SH3GL3: variants seen among roughly 807,000 people sequenced by gnomAD.
SH3GL3 encodes the protein endophilin-A3.
In SH3GL3, 33 loss-of-function variants were observed where a neutral mutation model predicts 47.7. That is an observed-to-expected ratio of 0.69 (90% CI 0.52 to 0.92). The LOEUF is 0.92. Among genes scored for constraint, SH3GL3 ranks in the 40% least tolerant of loss-of-function variants. SH3GL3 has a pLI of 0.00. For missense variants in SH3GL3, 363 were observed against 417.8 expected (o/e 0.87, Z 1.14); for synonymous variants, 155 against 148.8 (o/e 1.04, Z -0.30).
At chr15:83,572,450 A>C in intron 4 of SH3GL3, 115 bp from the exon 5 acceptor site, 1 of 818,646 alleles carries the variant, frequency 1.2e-6, no homozygotes, top group East Asian at 2.6e-5. Context: ...GTCCCGGAGC[A>C]AGGACCTTGC....
At chr15:83,582,987 T>C (rs1326388542) in intron 6 of SH3GL3, among the ~76,000 whole-genome samples, 1 of 152,190 alleles carries the variant, frequency 6.6e-6, no homozygotes, top group Non-Finnish European at 1.5e-5. Context: ...GCAAAATACA[T>C]GAGAAATTTT....
At chr15:83,514,493 C>T (rs530989950) in intron 1 of SH3GL3, among the ~76,000 whole-genome samples, 119 of 152,152 alleles carry the variant, frequency 7.8e-4, no homozygotes, top group African/African-American at 2.6e-3. Context: ...GGGAATCTGG[C>T]GAAGTCTATT....
chr15:83,549,244 C>T (rs1354048566), intron 1 of SH3GL3, among the ~76,000 whole-genome samples: 2 of 152,132 alleles, frequency 1.3e-5, no homozygotes. Flanking sequence ...TCATCTAATT[C>T]TTTTCTTAGT....
intron 8 of SH3GL3, among the ~76,000 whole-genome samples, chr15:83,603,189 G>C (rs188343340): frequency 6.6e-6 from 1 of 151,984 alleles, no homozygotes; most frequent in African/African-American, 2.4e-5. Context: ...TAGTAGAGAT[G>C]GGGCTTCACC....
intron 8 of SH3GL3, among the ~76,000 whole-genome samples, chr15:83,589,253 C>T (rs1273744218): frequency 1.3e-5 from 2 of 152,252 alleles, no homozygotes; most frequent in Admixed American, 6.5e-5. Context: ...CTTGTGATCA[C>T]CTACACCATC....
chr15:83,495,748 A>C (rs114183880), intron 1 of SH3GL3, among the ~76,000 whole-genome samples: 4,902 of 152,162 alleles, frequency 0.032, 230 homozygotes, highest in African/African-American at 0.1. Context: ...AAAGAAAAAA[A>C]AATGTTGCAC....
intron 8 of SH3GL3, among the ~76,000 whole-genome samples, chr15:83,614,934 A>G (rs1446314468): frequency 1.3e-5 from 2 of 152,216 alleles, no homozygotes; most frequent in Non-Finnish European, 2.9e-5. Flanking sequence ...GAAATACCCC[A>G]ACGTACCTAT....
intron 1 of SH3GL3, among the ~76,000 whole-genome samples, chr15:83,493,441 A>G (rs2041956659): frequency 6.6e-6 from 1 of 152,178 alleles, no homozygotes; most frequent in Non-Finnish European, 1.5e-5. Flanking sequence ...GGCAAAATTA[A>G]ATGATCCTCT....
At chr15:83,493,444 G>T (rs2041957026) in intron 1 of SH3GL3, among the ~76,000 whole-genome samples, 1 of 152,164 alleles carries the variant, frequency 6.6e-6, no homozygotes, top group African/African-American at 2.4e-5. Flanking sequence ...AAAATTAAAT[G>T]ATCCTCTTCC....
chr15:83,517,160 A>G (rs983951518), intron 1 of SH3GL3, among the ~76,000 whole-genome samples: 6 of 150,296 alleles, frequency 4.0e-5, no homozygotes, highest in Admixed American at 3.3e-4. Flanking sequence ...ATGATGACAC[A>G]TTGTTTTCCA....
rs2045663670 is a variant in SH3GL3, at chr15:83,568,548, A to T, written c.207A>T (p.Gly69=). 2 of 1,613,292 alleles carry T rather than the reference A, an allele frequency of 1.2e-6. No individual in the cohort carries two copies. The highest frequency in any genetic ancestry group is 3.3e-5 in the Admixed American group (2 of 59,992). The change falls in exon 4 of 9, where the codon GGA becomes GGT. Residue 69 remains glycine, a synonymous_variant. Coordinates refer to ENST00000427482, the MANE Select transcript of SH3GL3 (RefSeq NM_003027.5). The part of the protein sequence containing the change: ...QPNPAYRAKL[G]MLNTVSKIRG... ...TTTAAGCATACAGAGCTAAGCTAGG[A>T]ATGCTGAACACTGTGTCGAAGATCC...
intron 8 of SH3GL3, among the ~76,000 whole-genome samples, chr15:83,613,632 TATCTA>T (rs1474119567): frequency 1.4e-5 from 2 of 139,056 alleles, no homozygotes; most frequent in Non-Finnish European, 3.2e-5. Flanking sequence ...TCTATCTATC[TATCTA>T]TCTATCTATC....
chr15:83,608,950 G>A (rs1364332317), intron 8 of SH3GL3, among the ~76,000 whole-genome samples: 1 of 152,068 alleles, frequency 6.6e-6, no homozygotes, highest in Non-Finnish European at 1.5e-5. Context: ...AAGTAATAAG[G>A]GAACATGTTT....
intron 7 of SH3GL3, among the ~76,000 whole-genome samples, chr15:83,587,647 A>C (rs1407000291): frequency 6.6e-6 from 1 of 152,132 alleles, no homozygotes; most frequent in East Asian, 1.9e-4. Flanking sequence ...GGCTGTGTTC[A>C]TAATATTGAC....
downstream of SH3GL3, among the ~76,000 whole-genome samples, chr15:83,619,025 A>G (rs994661138): frequency 4.6e-5 from 7 of 152,176 alleles, no homozygotes; most frequent in Admixed American, 2.0e-4. Context: ...AAGTTGTGTT[A>G]TGGGTGCTCA....
At chr15:83,522,676 A>G (rs937048260) in intron 1 of SH3GL3, among the ~76,000 whole-genome samples, 2 of 152,210 alleles carry the variant, frequency 1.3e-5, no homozygotes, top group East Asian at 1.9e-4. Context: ...CAAAATTACT[A>G]AATTTCTTAA....
At chr15:83,551,031 C>T (rs1158570641) in intron 1 of SH3GL3, among the ~76,000 whole-genome samples, 2 of 152,250 alleles carry the variant, frequency 1.3e-5, no homozygotes, top group Middle Eastern at 3.4e-3. Context: ...GATATTTGCA[C>T]GAGAAGGCAG....
chr15:83,601,858 A>G (rs1225695011), intron 8 of SH3GL3, among the ~76,000 whole-genome samples: 1 of 149,572 alleles, frequency 6.7e-6, no homozygotes, highest in Non-Finnish European at 1.5e-5. Flanking sequence ...TTTTAAAATT[A>G]CCATTTCAGT....
intron 1 of SH3GL3, among the ~76,000 whole-genome samples, chr15:83,537,664 C>G (rs2043973632): frequency 6.6e-6 from 1 of 152,140 alleles, no homozygotes; most frequent in South Asian, 2.1e-4. Context: ...CAGGCTCACT[C>G]TGTTCTTTTT....
Sources: allele counts gnomAD v4.1 joint callset (sites outside exome capture counted in the v4.1 genomes callset), GRCh38; gene constraint gnomAD v4.1.1; transcripts MANE v1.5; gene names NCBI Gene and HGNC (gene_info 2026-07-23, HGNC 2026-07-21).